ARHGAP26: variants seen among roughly 807,000 people sequenced by gnomAD.
The protein encoded by ARHGAP26 is rho GTPase-activating protein 26.
ARHGAP26 carries 38 observed loss-of-function variants against 104.8 expected under a neutral mutation model. The observed-to-expected ratio is 0.36, with a 90% CI of 0.28 to 0.48. ARHGAP26 has a LOEUF of 0.48. Among genes scored for constraint, ARHGAP26 ranks in the 20% least tolerant of loss-of-function variants. ARHGAP26 has a pLI of 0.99. For missense variants in ARHGAP26, 704 were observed against 947.9 expected, an observed-to-expected ratio of 0.74 and a Z score of 3.38; for synonymous variants, 341 against 340.0, an observed-to-expected ratio of 1.00 and a Z score of -0.03.
chr5:143,065,232 G>A lies in ARHGAP26; in HGVS notation c.1538+7485G>A, dbSNP rs114710470. On this transcript the variant is annotated intron_variant, in intron 17 of 22. Transcript: ENST00000645722. ...TTTCTTATACATTGGCCTTGGGAGC[G>A]TGTTCTTCATGAAATGCCTCTCTTT... 7.6e-3 allele frequency among the ~76,000 whole-genome samples: 1,158 copies of A among 152,200 alleles called. 11 individuals are homozygous for A. The highest frequency in any genetic ancestry group is 9.2e-3 in the Non-Finnish European group (625 of 68,002).
At position 143,183,142 on chromosome 5, in the gene ARHGAP26, G is replaced by A. The variant is rs1177047614; in HGVS notation, c.1989-24056G>A. Among the ~76,000 whole-genome samples the A allele has an allele frequency of 9.3e-5, 14 of 150,908 alleles. 1 individual carries two copies. Among genetic ancestry groups the A allele is most frequent in the African/African-American group, 2.4e-4 (10 of 40,980 alleles). On this transcript the variant is annotated intron_variant, in intron 20 of 22. Coordinates refer to ENST00000645722, the MANE Select transcript of ARHGAP26 (RefSeq NM_001135608.3). Reference sequence around the variant, plus strand: ...TAGATAAGGCCTGTAGGGGAATTTCGGCTGTTCTTGGTGGCAGTATAATCT... The same window carrying A: ...TAGATAAGGCCTGTAGGGGAATTTCAGCTGTTCTTGGTGGCAGTATAATCT...
chr5:142,956,327 G>A (rs966573328), intron 11 of ARHGAP26, among the ~76,000 whole-genome samples: 3 of 152,072 alleles, frequency 2.0e-5, no homozygotes, highest in African/African-American at 7.2e-5. Flanking sequence ...TGTAATCCCA[G>A]CACTTTGTGA....
chr5:142,970,378 T>C (rs1202493826), intron 11 of ARHGAP26, among the ~76,000 whole-genome samples: 1 of 152,244 alleles, frequency 6.6e-6, no homozygotes, highest in African/African-American at 2.4e-5. Flanking sequence ...TTTTGGTTCA[T>C]GTATCTGAAA....
chr5:142,892,284 G>A lies in ARHGAP26; in HGVS notation c.487-1954G>A, dbSNP rs554336844. ...AAGAATCTGTCTCCCATGGAACCCAGGTTGTCCCAGGGTATGGGGAGACAG... is the reference window on the plus strand; with the variant it reads ...AAGAATCTGTCTCCCATGGAACCCAAGTTGTCCCAGGGTATGGGGAGACAG... On this transcript the variant is annotated intron_variant, in intron 5 of 22. Transcript: ENST00000645722. 2.0e-5 allele frequency among the ~76,000 whole-genome samples: 3 copies of A among 152,046 alleles called. No homozygotes were observed. The East Asian group carries it at 5.8e-4, about 29-fold the overall frequency.
chr5:142,875,033 CAT>C (rs1040326332), intron 2 of ARHGAP26, 75 bp from the exon 3 acceptor site: 11 of 1,228,808 alleles, frequency 9.0e-6, no homozygotes, highest in Middle Eastern at 2.5e-4. Context: ...AAATCCATAA[CAT>C]AATAGCCAGA....
At chr5:143,047,849 C>T (rs945631376) in intron 14 of ARHGAP26, among the ~76,000 whole-genome samples, 9 of 151,124 alleles carry the variant, frequency 6.0e-5, no homozygotes, top group Non-Finnish European at 7.4e-5. Context: ...ATTATTATTC[C>T]GCTCTGTTGC....
Position 143,121,151 on chromosome 5 carries a change from A to AG in ARHGAP26, c.1698+4_1698+5insG. 1 of 1,611,734 alleles carries AG rather than the reference A, an allele frequency of 6.2e-7. No individual in the cohort carries two copies. Among genetic ancestry groups the AG allele is most frequent in the South Asian group, 1.1e-5 (1 of 90,886 alleles). ...CCTAATAGAAAACCACGAAAAGGTA[A>AG]TATGTAATTGATCACTTGCAGTGAA... is the stretch of plus-strand genomic sequence containing the variant. On this transcript the variant is annotated splice_donor_region_variant and intron_variant, in intron 18 of 22. Coordinates refer to ENST00000645722, the MANE Select transcript of ARHGAP26 (RefSeq NM_001135608.3).
Position 143,157,918 on chromosome 5 carries a change from T to C in ARHGAP26, c.1988+10537T>C, listed in dbSNP as rs564824050. ...TCTGCCATTTCCTAACTGTGTAAAC[T>C]TGGGAAAGTTATTTGCTATCTCTAA... On this transcript the variant is annotated intron_variant, in intron 20 of 22. Coordinates refer to ENST00000645722, the MANE Select transcript of ARHGAP26 (RefSeq NM_001135608.3). Among the ~76,000 whole-genome samples, 8 of 152,322 alleles carry C rather than the reference T, an allele frequency of 5.3e-5. No individual in the cohort carries two copies. In the South Asian group the frequency reaches 1.7e-3, roughly 32 times the overall value.
At chr5:143,107,684 GTGGA>G (rs1235248011) in intron 17 of ARHGAP26, among the ~76,000 whole-genome samples, 1 of 152,200 alleles carries the variant, frequency 6.6e-6, no homozygotes, top group East Asian at 1.9e-4. Context: ...TGAATGTTGG[GTGGA>G]TCAGGGACCC....
chr5:142,855,126 C>T (rs1366602761), intron 1 of ARHGAP26, among the ~76,000 whole-genome samples: 1 of 151,966 alleles, frequency 6.6e-6, no homozygotes, highest in Admixed American at 6.6e-5. Context: ...GTGTGGTTTG[C>T]ATTTTGGCAA....
intron 11 of ARHGAP26, among the ~76,000 whole-genome samples, chr5:142,966,847 G>A (rs1771438328): frequency 6.6e-6 from 1 of 152,162 alleles, no homozygotes; most frequent in South Asian, 2.1e-4. Flanking sequence ...TTAGCCAACA[G>A]GGCAATAAGT....
chr5:142,999,911 A>G (rs1243376553), intron 11 of ARHGAP26, among the ~76,000 whole-genome samples: 1 of 152,196 alleles, frequency 6.6e-6, no homozygotes, highest in Non-Finnish European at 1.5e-5. Flanking sequence ...TAGAGAACCC[A>G]TAAAACTCAG....
chr5:143,100,993 T>G (rs1235957883), intron 17 of ARHGAP26, among the ~76,000 whole-genome samples: 1 of 152,174 alleles, frequency 6.6e-6, no homozygotes, highest in East Asian at 1.9e-4. Flanking sequence ...CCTGGGAGGC[T>G]GAAGCAGGAG....
At chr5:143,173,599 C>T (rs1803087896) in intron 20 of ARHGAP26, among the ~76,000 whole-genome samples, 1 of 152,216 alleles carries the variant, frequency 6.6e-6, no homozygotes, top group Admixed American at 6.5e-5. Flanking sequence ...ACAGTCACTT[C>T]TGACAGGTGG....
intron 1 of ARHGAP26, among the ~76,000 whole-genome samples, chr5:142,789,026 C>A (rs1000354036): frequency 6.6e-6 from 1 of 152,192 alleles, no homozygotes; most frequent in South Asian, 2.1e-4. Flanking sequence ...AGAATTTGAA[C>A]CTTGATCTAA....
intron 11 of ARHGAP26, among the ~76,000 whole-genome samples, chr5:143,012,544 C>CATATATATAT (rs1562259165): frequency 2.3e-5 from 1 of 43,080 alleles, no homozygotes; most frequent in Non-Finnish European, 6.1e-5. Flanking sequence ...TATTTATATA[C>CATATATATAT]ATACATACAT....
chr5:143,210,236 T>C (rs13175350), intron 21 of ARHGAP26, among the ~76,000 whole-genome samples: 44,227 of 152,024 alleles, frequency 0.29, 6,723 homozygotes, highest in East Asian at 0.51. Flanking sequence ...GGAAGTCACG[T>C]CTTTCATGGA....
chr5:142,778,321 C>G (rs1756766604), intron 1 of ARHGAP26, among the ~76,000 whole-genome samples: 1 of 152,174 alleles, frequency 6.6e-6, no homozygotes, highest in Non-Finnish European at 1.5e-5. Flanking sequence ...TGGATAGTTC[C>G]TGAATACATT....
At chr5:142,771,190 G>GGCGTGC in intron 1 of ARHGAP26, 1 of 1,283,926 alleles carries the variant, frequency 7.8e-7, no homozygotes, top group Non-Finnish European at 9.8e-7. Context: ...GGTGGGCGTG[G>GGCGTGC]GCGTGCGCGG....
Sources: allele counts gnomAD v4.1 joint callset (sites outside exome capture counted in the v4.1 genomes callset), GRCh38; gene constraint gnomAD v4.1.1; transcripts MANE v1.5; gene names NCBI Gene and HGNC (gene_info 2026-07-23, HGNC 2026-07-21).